MBD2: variants seen among roughly 807,000 people sequenced by gnomAD.
MBD2 encodes methyl-CpG binding domain protein 2, also known as methyl-CpG-binding domain protein 2.
MBD2 carries 9 observed loss-of-function variants against 39.3 expected under a neutral mutation model. The ratio of observed to expected loss-of-function variants is 0.23; its 90% CI spans 0.14 to 0.40. MBD2 has a LOEUF of 0.40. Among genes scored for constraint, MBD2 ranks in the 10% least tolerant of loss-of-function variants. The probability of loss-of-function intolerance (pLI) is 1.00; values close to 1 mark genes in which losing one functional copy is unlikely to be tolerated. For missense variants in MBD2, 458 were observed against 532.6 expected (o/e 0.86, Z 1.38); for synonymous variants, 233 against 211.1 (o/e 1.10, Z -0.90).
At chr18:54,195,748 G>T (rs2086360829) in intron 2 of MBD2, among the ~76,000 whole-genome samples, 2 of 151,972 alleles carry the variant, frequency 1.3e-5, no homozygotes, top group South Asian at 4.1e-4. Context: ...AGTAAAACAA[G>T]TTTAGAGTTT....
At chr18:54,210,903 G>C (rs1599107266) in intron 1 of MBD2, among the ~76,000 whole-genome samples, 1 of 119,174 alleles carries the variant, frequency 8.4e-6, no homozygotes, top group African/African-American at 3.4e-5. Flanking sequence ...ACAGAGTCTC[G>C]CTCTGTCGCC....
At chr18:54,223,987 C>T in intron 1 of MBD2, 31 bp downstream of exon 1, 2 of 1,488,354 alleles carry the variant, frequency 1.3e-6, no homozygotes, top group Non-Finnish European at 1.8e-6. Flanking sequence ...GGCCTGACCC[C>T]GCCACCCCCT....
rs2086033141 is a variant in MBD2, at chr18:54,153,339, G to A, written c.*1985C>T. Reference sequence around the variant, plus strand: ...AGGTTTGTGGGGACCAGGTGATGAAGTTTTGAACATGTTGTCTTGTGGGTA... The same window carrying A: ...AGGTTTGTGGGGACCAGGTGATGAAATTTTGAACATGTTGTCTTGTGGGTA... On this transcript the variant is annotated 3_prime_UTR_variant, in exon 7 of 7. Coordinates refer to ENST00000256429, the MANE Select transcript of MBD2 (RefSeq NM_003927.5). The A allele has an allele frequency of 6.6e-6, 1 of 152,088 alleles. No individual in the cohort carries two copies. Among genetic ancestry groups the A allele is most frequent in the Non-Finnish European group, 1.5e-5 (1 of 68,060 alleles). The allele number at this position is 152,088 out of a possible 1,614,324, so 9.4% of individuals were successfully genotyped here. A position where few individuals can be genotyped will look rare whatever the true frequency, so the allele number is the denominator to read the frequency against.
intron 2 of MBD2, among the ~76,000 whole-genome samples, chr18:54,200,932 T>G (rs550780278): frequency 2.6e-5 from 4 of 151,912 alleles, no homozygotes; most frequent in African/African-American, 7.3e-5. Flanking sequence ...TACAAAAAAT[T>G]AGCTGGGCGT....
rs189063184 is a variant in MBD2 at position 54,158,310 on chromosome 18, T to G, written c.*12+1455A>C. Among the ~76,000 whole-genome samples the G allele has an allele frequency of 2.6e-3, 398 of 152,060 alleles. 2 individuals carry two copies. The highest frequency in any genetic ancestry group is 9.2e-3 in the African/African-American group (380 of 41,490). The stretch of plus-strand genomic sequence containing the variant: ...ATGGGAACACTTTTACCCAAACCTC[T>G]CCTGGCTCACTCCTATATATCTTTC... On this transcript the variant is annotated intron_variant, in intron 6 of 6. Coordinates refer to ENST00000256429, the MANE Select transcript of MBD2 (RefSeq NM_003927.5).
At position 54,216,526 on chromosome 18, in the gene MBD2, T is replaced by C. The variant is rs182118405; in HGVS notation, c.542+7492A>G. 3.7e-4 allele frequency among the ~76,000 whole-genome samples: 57 copies of C among 152,330 alleles called. 1 individual carries two copies. In the East Asian group the frequency reaches 0.01, roughly 28 times the overall value. On this transcript the variant is annotated intron_variant, in intron 1 of 6. Coordinates refer to ENST00000256429, the MANE Select transcript of MBD2 (RefSeq NM_003927.5). ...GACACTGAGGAGGTTCAGAATCTCA[T>C]GGGTAACAAAGACTTGCCAACTATT... is the stretch of plus-strand genomic sequence containing the variant.
At chr18:54,187,189 AC>A (rs1485932857) in intron 3 of MBD2, among the ~76,000 whole-genome samples, 1 of 152,204 alleles carries the variant, frequency 6.6e-6, no homozygotes, top group East Asian at 1.9e-4. Flanking sequence ...GGGTTTACAG[AC>A]TACATTGAGA....
chr18:54,158,838 A>C (rs1599072584), intron 6 of MBD2, among the ~76,000 whole-genome samples: 1 of 152,088 alleles, frequency 6.6e-6, no homozygotes, highest in African/African-American at 2.4e-5. Context: ...ATGTTGGCCA[A>C]GCTAGTCTCA....
chr18:54,183,683 A>G (rs554258261), intron 3 of MBD2, among the ~76,000 whole-genome samples: 1 of 152,366 alleles, frequency 6.6e-6, no homozygotes, highest in Non-Finnish European at 1.5e-5. Flanking sequence ...GAGGTAAAGC[A>G]GATAGTAAAC....
At chr18:54,220,846 CAT>C (rs1327406812) in intron 1 of MBD2, among the ~76,000 whole-genome samples, 1 of 152,212 alleles carries the variant, frequency 6.6e-6, no homozygotes, top group African/African-American at 2.4e-5. Context: ...TCACAATTAT[CAT>C]ATTACGCTAC....
chr18:54,212,963 T>C (rs1176151320), intron 1 of MBD2, among the ~76,000 whole-genome samples: 7 of 149,306 alleles, frequency 4.7e-5, no homozygotes, highest in South Asian at 4.3e-4. Context: ...GCCTGGGAGG[T>C]TGAAGCTGCA....
At chr18:54,210,866 ATTTTTTTTTTT>A (rs74180457) in intron 1 of MBD2, among the ~76,000 whole-genome samples, 1 of 99,360 alleles carries the variant, frequency 1.0e-5, no homozygotes. Flanking sequence ...TCAACTTTCT[ATTTTTTTTTTT>A]TTTTTTTTTT....
intron 6 of MBD2, among the ~76,000 whole-genome samples, chr18:54,157,033 G>C (rs1337220167): frequency 6.6e-6 from 1 of 152,124 alleles, no homozygotes; most frequent in African/African-American, 2.4e-5. Context: ...GATCAGGTGA[G>C]ATCCAGATCC....
rs376714848 is a variant in MBD2, at chr18:54,165,832, AT to A, written c.931+243del. On this transcript the variant is annotated intron_variant, in intron 4 of 6. Coordinates refer to ENST00000256429, the MANE Select transcript of MBD2 (RefSeq NM_003927.5). ...ATGATGAACCTAACCTAAAGCCAAA[AT>A]TTTTACAAAGAAAAAAATCTAAGAT... is the stretch of plus-strand genomic sequence containing the variant. Among the ~76,000 whole-genome samples, 745 of 152,302 alleles carry A rather than the reference AT, an allele frequency of 4.9e-3. 7 individuals carry two copies. Among genetic ancestry groups the A allele is most frequent in the African/African-American group, 0.016 (675 of 41,564 alleles).
intron 3 of MBD2, among the ~76,000 whole-genome samples, chr18:54,185,063 G>A (rs2086276278): frequency 1.3e-5 from 2 of 152,200 alleles, no homozygotes; most frequent in Middle Eastern, 3.4e-3. Flanking sequence ...GTAACCCTCT[G>A]GGTTTTAGCA....
At chr18:54,198,087 A>T (rs985353488) in intron 2 of MBD2, among the ~76,000 whole-genome samples, 23 of 152,208 alleles carry the variant, frequency 1.5e-4, no homozygotes, top group Admixed American at 3.9e-4. Flanking sequence ...GTTTGGATGG[A>T]GGAATCCTAC....
At chr18:54,208,383 T>C (rs891733304) in intron 1 of MBD2, among the ~76,000 whole-genome samples, 6 of 151,996 alleles carry the variant, frequency 3.9e-5, no homozygotes, top group Non-Finnish European at 7.4e-5. Flanking sequence ...CCCCAGCTAC[T>C]CGGGAGGCTG....
intron 6 of MBD2, among the ~76,000 whole-genome samples, chr18:54,158,293 A>T (rs988448725): frequency 6.6e-5 from 10 of 151,804 alleles, no homozygotes; most frequent in African/African-American, 2.2e-4. Context: ...TAATGGGAAC[A>T]CTTTTACCCA....
intron 1 of MBD2, among the ~76,000 whole-genome samples, chr18:54,217,206 T>A (rs2086568797): frequency 6.6e-6 from 1 of 152,246 alleles, no homozygotes; most frequent in African/African-American, 2.4e-5. Flanking sequence ...AATCTAATTT[T>A]AAATTTTATT....
Sources: allele counts gnomAD v4.1 joint callset (sites outside exome capture counted in the v4.1 genomes callset), GRCh38; gene constraint gnomAD v4.1.1; transcripts MANE v1.5; gene names NCBI Gene and HGNC (gene_info 2026-07-23, HGNC 2026-07-21).